MACROD2: variants seen among roughly 807,000 people sequenced by gnomAD.
MACROD2 encodes the protein ADP-ribose glycohydrolase MACROD2.
A neutral mutation model predicts 70.4 loss-of-function variants in MACROD2; 36 were observed. The observed-to-expected ratio is 0.51, with a 90% CI of 0.39 to 0.68. MACROD2 has a LOEUF of 0.68. MACROD2 is among the 30% of genes least tolerant of loss of function. The pLI is 0.00. For synonymous variants in MACROD2, 172 were observed against 178.8 expected (o/e 0.96, Z 0.30); for missense variants, 496 against 538.4 (o/e 0.92, Z 0.78).
At chr20:14,147,760 C>T (rs2067572705) in intron 3 of MACROD2, among the ~76,000 whole-genome samples, 1 of 152,082 alleles carries the variant, frequency 6.6e-6, no homozygotes, top group Non-Finnish European at 1.5e-5. Context: ...AAATTCAGGC[C>T]TGTTGTGGAT....
intron 3 of MACROD2, among the ~76,000 whole-genome samples, chr20:14,284,692 A>G (rs1262523780): frequency 2.0e-5 from 3 of 152,154 alleles, no homozygotes; most frequent in Admixed American, 6.5e-5. Context: ...AAATTGCATA[A>G]TACTTTCTAA....
At chr20:14,385,554 T>C (rs1290312516) in intron 3 of MACROD2, among the ~76,000 whole-genome samples, 2 of 152,156 alleles carry the variant, frequency 1.3e-5, no homozygotes, top group East Asian at 1.9e-4. Context: ...AAAGTAAACA[T>C]AAAAGAACTT....
chr20:15,032,330 G>A (rs893032508), intron 5 of MACROD2, among the ~76,000 whole-genome samples: 13 of 152,222 alleles, frequency 8.5e-5, no homozygotes, highest in African/African-American at 3.1e-4. Flanking sequence ...CCTGGCCCCC[G>A]TCGGCTCCGC....
At chr20:14,014,536 A>T (rs190843808) in intron 2 of MACROD2, among the ~76,000 whole-genome samples, 3 of 152,146 alleles carry the variant, frequency 2.0e-5, no homozygotes, top group Non-Finnish European at 4.4e-5. Flanking sequence ...AGCTACAGAA[A>T]CTTCAATACG....
Position 14,383,337 on chromosome 20 carries a change from C to T in MACROD2, c.272-110142C>T, listed in dbSNP as rs141121365. On this transcript the variant is annotated intron_variant, in intron 3 of 17. Coordinates refer to ENST00000684519, the MANE Select transcript of MACROD2 (RefSeq NM_001351661.2). ...TTTTTTTGCTTTTTTTTTGGAACTC[C>T]GTGACGATAGGAATAAATAGTAAAC... 1.8e-4 allele frequency among the ~76,000 whole-genome samples: 27 copies of T among 151,440 alleles called. No homozygotes were observed. The East Asian group carries it at 4.6e-3, about 26-fold the overall frequency.
At chr20:14,690,429 A>C (rs6105308) in intron 5 of MACROD2, among the ~76,000 whole-genome samples, 41,093 of 152,112 alleles carry the variant, frequency 0.27, 5,749 homozygotes, top group East Asian at 0.35. Flanking sequence ...AATAATAATC[A>C]GATGATAGTA....
chr20:14,009,983 G>C (rs534942262), intron 2 of MACROD2, among the ~76,000 whole-genome samples: 1 of 152,132 alleles, frequency 6.6e-6, no homozygotes, highest in East Asian at 1.9e-4. Flanking sequence ...GGTAAGGATG[G>C]GAGGAGTGAG....
At chr20:14,948,870 A>G (rs955532722) in intron 5 of MACROD2, among the ~76,000 whole-genome samples, 1 of 152,306 alleles carries the variant, frequency 6.6e-6, no homozygotes, top group African/African-American at 2.4e-5. Flanking sequence ...AATCATGCCA[A>G]TGGAGCATCC....
chr20:14,458,086 A>G (rs1396047556), intron 3 of MACROD2, among the ~76,000 whole-genome samples: 1 of 151,846 alleles, frequency 6.6e-6, no homozygotes, highest in Non-Finnish European at 1.5e-5. Flanking sequence ...ACATGACAGA[A>G]CAAGACTCCA....
chr20:15,063,101 T>C (rs1040482403), intron 5 of MACROD2, among the ~76,000 whole-genome samples: 1 of 152,170 alleles, frequency 6.6e-6, no homozygotes, highest in African/African-American at 2.4e-5. Flanking sequence ...CACTCACTCA[T>C]TCATTCGCTT....
rs375827490 is a variant in MACROD2 at position 14,827,674 on chromosome 20, C to T, written c.418+142715C>T. On this transcript the variant is annotated intron_variant, in intron 5 of 17. Coordinates refer to ENST00000684519, the MANE Select transcript of MACROD2 (RefSeq NM_001351661.2). The stretch of plus-strand genomic sequence containing the variant: ...AGTAACTGTGTTTTATTTTTGTGTA[C>T]CCATATTCTCCTTGCCAGAAAAAAA... Among the ~76,000 whole-genome samples the T allele has an allele frequency of 3.8e-4, 58 of 150,912 alleles. No individual in the cohort carries two copies. In the East Asian group the frequency reaches 7.8e-3, roughly 20 times the overall value.
intron 10 of MACROD2, among the ~76,000 whole-genome samples, chr20:15,914,760 A>T (rs950211473): frequency 6.6e-6 from 1 of 152,160 alleles, no homozygotes; most frequent in Non-Finnish European, 1.5e-5. Flanking sequence ...ACTCAGTCCC[A>T]CAAGACTCCC....
At chr20:15,461,006 A>ATATTTTTTT in intron 7 of MACROD2, among the ~76,000 whole-genome samples, 4 of 66,990 alleles carry the variant, frequency 6.0e-5, no homozygotes, top group East Asian at 1.2e-3. Flanking sequence ...ATATATATAT[A>ATATTTTTTT]TTTTTTTTTA....
intron 5 of MACROD2, among the ~76,000 whole-genome samples, chr20:14,820,592 A>G (rs1308962692): frequency 1.3e-5 from 2 of 152,038 alleles, no homozygotes; most frequent in Admixed American, 1.3e-4. Context: ...TTAGCTTCTC[A>G]TCTAAGTAAT....
chr20:14,215,384 CA>C (rs2081612396), intron 3 of MACROD2, among the ~76,000 whole-genome samples: 2 of 117,006 alleles, frequency 1.7e-5, no homozygotes, highest in African/African-American at 2.9e-5. Context: ...ACACACACCA[CA>C]GTTTCTTTAG....
At chr20:15,468,773 C>T (rs976740683) in intron 7 of MACROD2, among the ~76,000 whole-genome samples, 1 of 152,144 alleles carries the variant, frequency 6.6e-6, no homozygotes, top group African/African-American at 2.4e-5. Context: ...CTTTCTCTTC[C>T]TCCTCCCTGT....
chr20:14,331,774 A>T (rs1013577154), intron 3 of MACROD2, among the ~76,000 whole-genome samples: 1 of 152,116 alleles, frequency 6.6e-6, no homozygotes, highest in Admixed American at 6.6e-5. Context: ...ATCCTCTCCT[A>T]TCCTTAGACC....
At chr20:15,608,859 A>G (rs1432620099) in intron 8 of MACROD2, among the ~76,000 whole-genome samples, 1 of 151,960 alleles carries the variant, frequency 6.6e-6, no homozygotes, top group Non-Finnish European at 1.5e-5. Context: ...CTGATCTGCT[A>G]CTTCTCCTGG....
intron 4 of MACROD2, among the ~76,000 whole-genome samples, chr20:14,520,449 A>T (rs2085153972): frequency 6.6e-6 from 1 of 151,216 alleles, no homozygotes; most frequent in African/African-American, 2.4e-5. Flanking sequence ...GGTTTGAAAG[A>T]CAAGCTCAAG....
Sources: allele counts gnomAD v4.1 joint callset (sites outside exome capture counted in the v4.1 genomes callset), GRCh38; gene constraint gnomAD v4.1.1; transcripts MANE v1.5; gene names NCBI Gene and HGNC (gene_info 2026-07-23, HGNC 2026-07-21).